Variants in CCDC60 observed in about 807,000 individuals in gnomAD.
CCDC60 encodes the protein coiled-coil domain containing 60.
Under a neutral mutation model 63.5 loss-of-function variants are expected in CCDC60, and 54 were observed. The observed-to-expected ratio is 0.85, with a 90% CI of 0.68 to 1.07. The LOEUF is 1.07. Ranked by LOEUF, CCDC60 falls within the 50% of genes least tolerant of loss-of-function variation. CCDC60 has a pLI of 0.00. For missense variants in CCDC60, 651 were observed against 684.3 expected (o/e 0.95, Z 0.54); for synonymous variants, 206 against 238.8 (o/e 0.86, Z 1.27).
intron 6 of CCDC60, among the ~76,000 whole-genome samples, chr12:119,504,554 T>G (rs1032164546): frequency 3.9e-5 from 6 of 152,176 alleles, no homozygotes; most frequent in Admixed American, 2.0e-4. Context: ...CCCTATTCTG[T>G]GTTCTTTAGA....
intron 1 of CCDC60, among the ~76,000 whole-genome samples, chr12:119,395,259 T>C (rs1956231314): frequency 6.6e-6 from 1 of 152,238 alleles, no homozygotes. Context: ...AGAGCATGTG[T>C]ATTAGTGCAT....
chr12:119,440,385 CG>C (rs1566010864), intron 2 of CCDC60, among the ~76,000 whole-genome samples: 1 of 151,882 alleles, frequency 6.6e-6, no homozygotes, highest in Non-Finnish European at 1.5e-5. Flanking sequence ...AAAAAATTAG[CG>C]GGGCATGGTG....
At chr12:119,346,366 G>A (rs1251921254) in intron 1 of CCDC60, among the ~76,000 whole-genome samples, 2 of 152,110 alleles carry the variant, frequency 1.3e-5, no homozygotes, top group East Asian at 3.8e-4. Context: ...TAGAGATGAG[G>A]AAACTGAGGC....
chr12:119,430,158 T>C (rs1950198446), intron 2 of CCDC60, among the ~76,000 whole-genome samples: 1 of 142,656 alleles, frequency 7.0e-6, no homozygotes, highest in South Asian at 2.3e-4. Flanking sequence ...GACTAAATTG[T>C]GCCCCTGCCA....
intron 1 of CCDC60, among the ~76,000 whole-genome samples, chr12:119,348,332 C>T (rs1326079413): frequency 6.6e-6 from 1 of 152,146 alleles, no homozygotes; most frequent in East Asian, 1.9e-4. Context: ...CCCTAACTAG[C>T]CTCCTCACCT....
intron 4 of CCDC60, among the ~76,000 whole-genome samples, chr12:119,487,944 C>T (rs566497695): frequency 4.6e-5 from 7 of 152,166 alleles, no homozygotes; most frequent in South Asian, 4.2e-4. Context: ...CTGGCTCAAG[C>T]GATCCTCTTA....
chr12:119,474,477 T>C (rs1024773822), intron 3 of CCDC60, among the ~76,000 whole-genome samples: 16 of 152,338 alleles, frequency 1.1e-4, no homozygotes, highest in African/African-American at 3.8e-4. Flanking sequence ...CTGGCTTCTT[T>C]CACTTATAGT....
chr12:119,449,947 T>C (rs1036221557), intron 2 of CCDC60, among the ~76,000 whole-genome samples: 4 of 151,982 alleles, frequency 2.6e-5, no homozygotes, highest in Non-Finnish European at 5.9e-5. Flanking sequence ...CAAAGAAAAA[T>C]AAATCATTAT....
intron 4 of CCDC60, among the ~76,000 whole-genome samples, chr12:119,486,057 C>T (rs1378252030): frequency 6.6e-6 from 1 of 152,152 alleles, no homozygotes; most frequent in Admixed American, 6.5e-5. Flanking sequence ...GCCTCTCCCC[C>T]GGCCTCTCAC....
intron 7 of CCDC60, among the ~76,000 whole-genome samples, chr12:119,512,356 A>G (rs1952234638): frequency 6.6e-6 from 1 of 152,150 alleles, no homozygotes; most frequent in Non-Finnish European, 1.5e-5. Context: ...ATTGACTGAG[A>G]CCCCATGTGC....
chr12:119,529,915 T>G (rs1312465989), intron 12 of CCDC60, among the ~76,000 whole-genome samples: 1 of 152,142 alleles, frequency 6.6e-6, no homozygotes, highest in Non-Finnish European at 1.5e-5. Flanking sequence ...GGGGAAGTAA[T>G]TGCCCTCCAT....
chr12:119,485,041 A>T (rs1423590148), intron 4 of CCDC60, among the ~76,000 whole-genome samples: 1 of 152,238 alleles, frequency 6.6e-6, no homozygotes, highest in Non-Finnish European at 1.5e-5. Flanking sequence ...CCGGATGGAG[A>T]TGAGAGCTGA....
At chr12:119,377,186 C>T (rs1261145543) in intron 1 of CCDC60, among the ~76,000 whole-genome samples, 10 of 128,696 alleles carry the variant, frequency 7.8e-5, no homozygotes, top group African/African-American at 2.3e-4. Context: ...GCTTGGGAGG[C>T]GGAGGTTGCA....
chr12:119,480,779 TCAC>T (rs1377780180), intron 4 of CCDC60, among the ~76,000 whole-genome samples: 132 of 147,832 alleles, frequency 8.9e-4, no homozygotes, highest in African/African-American at 3.2e-3. Context: ...ACCATCATCA[TCAC>T]CATCATCATC....
chr12:119,389,117 G>A (rs1956110412), intron 1 of CCDC60, among the ~76,000 whole-genome samples: 1 of 152,160 alleles, frequency 6.6e-6, no homozygotes, highest in African/African-American at 2.4e-5. Flanking sequence ...GTGGTCTGGG[G>A]CAGTTCAGAA....
At chr12:119,400,768 C>G (rs1763347946) in intron 1 of CCDC60, among the ~76,000 whole-genome samples, 2 of 152,212 alleles carry the variant, frequency 1.3e-5, no homozygotes, top group Non-Finnish European at 2.9e-5. Flanking sequence ...ACGGCTTGAG[C>G]AGCACTGGAT....
At chr12:119,430,203 TACAC>T (rs922536200) in intron 2 of CCDC60, among the ~76,000 whole-genome samples, 14 of 124,172 alleles carry the variant, frequency 1.1e-4, no homozygotes, top group Admixed American at 3.2e-4. Flanking sequence ...CACACACACA[TACAC>T]ACACACACAC....
At chr12:119,418,571 C>T (rs1004562971) in intron 1 of CCDC60, among the ~76,000 whole-genome samples, 3 of 151,784 alleles carry the variant, frequency 2.0e-5, no homozygotes, top group East Asian at 1.9e-4. Flanking sequence ...CACGCCACCA[C>T]GCCCAGCTAA....
intron 1 of CCDC60, among the ~76,000 whole-genome samples, chr12:119,348,400 T>C (rs1375173331): frequency 6.6e-6 from 1 of 152,208 alleles, no homozygotes; most frequent in Non-Finnish European, 1.5e-5. Flanking sequence ...CCTTGTGTTC[T>C]ATGGTTCAGG....
Sources: allele counts gnomAD v4.1 joint callset (sites outside exome capture counted in the v4.1 genomes callset), GRCh38; gene constraint gnomAD v4.1.1; transcripts MANE v1.5; gene names NCBI Gene and HGNC (gene_info 2026-07-23, HGNC 2026-07-21).